Variants in FAM53A observed in about 807,000 individuals in gnomAD.
The protein encoded by FAM53A is family with sequence similarity 53 member A.
Under a neutral mutation model 26.6 loss-of-function variants are expected in FAM53A, and 28 were observed. That is an observed-to-expected ratio of 1.05 (90% confidence interval 0.78 to 1.45). The LOEUF is 1.45. Ranked by LOEUF, FAM53A falls within the 40% of genes most tolerant of loss-of-function variation. FAM53A has a pLI of 0.00. For synonymous variants in FAM53A, 290 were observed against 253.1 expected (o/e 1.15, Z -1.38); for missense variants, 650 against 575.8 (o/e 1.13, Z -1.32).
At chr4:1,638,636 C>T (rs1262384826), downstream of FAM53A, among the ~76,000 whole-genome samples, 2 of 152,118 alleles carry the variant, frequency 1.3e-5, no homozygotes, top group Non-Finnish European at 2.9e-5. Flanking sequence ...GGGTTGCAGG[C>T]AGGACCAGAC....
rs143603737 is a variant in FAM53A, at chr4:1,659,090, C to T, written c.76-1622G>A. ...ATAAGTTAAAAGTTGGGTTTGTGAC[C>T]CCGAAAAAAGACAGGCCGCCTACAC... is the stretch of plus-strand genomic sequence containing the variant. On this transcript the variant is annotated intron_variant, in intron 2 of 4. Transcript: ENST00000308132. The surrounding 1 kb of genome is among the most constrained non-coding windows in gnomAD (Gnocchi z 5.2). Among the ~76,000 whole-genome samples, 118 of 152,336 alleles carry T rather than the reference C, an allele frequency of 7.7e-4. No homozygotes were observed. Among genetic ancestry groups the T allele is most frequent in the African/African-American group, 2.7e-3 (111 of 41,562 alleles).
chr4:1,609,171 G>A, the FAM53A span, among the ~76,000 whole-genome samples: 1 of 152,048 alleles, frequency 6.6e-6, no homozygotes, highest in African/African-American at 2.4e-5. Context: ...CTCCCCTCAG[G>A]ATGTGGCTCT....
the FAM53A span, among the ~76,000 whole-genome samples, chr4:1,598,484 G>T: frequency 1.3e-5 from 2 of 152,356 alleles, no homozygotes; most frequent in East Asian, 3.9e-4. Context: ...AAAGGAAGTG[G>T]GTAAGACAGC....
At chr4:1,673,047 G>A (rs1714792778) in intron 1 of FAM53A, among the ~76,000 whole-genome samples, 1 of 152,164 alleles carries the variant, frequency 6.6e-6, no homozygotes, top group Admixed American at 6.5e-5. Context: ...TGGGATTACA[G>A]GTATGTATCA....
chr4:1,609,288 C>G, the FAM53A span, among the ~76,000 whole-genome samples: 2 of 152,114 alleles, frequency 1.3e-5, no homozygotes, highest in Non-Finnish European at 2.9e-5. Context: ...GCCCCTCGGG[C>G]CTCCTTCCAG....
the FAM53A span, among the ~76,000 whole-genome samples, chr4:1,575,442 G>A: frequency 7.9e-5 from 12 of 152,256 alleles, no homozygotes; most frequent in African/African-American, 2.6e-4. Context: ...AGATGGCTGC[G>A]GTCTGGCAGG....
At chr4:1,597,053 C>G in the FAM53A span, among the ~76,000 whole-genome samples, 1 of 152,170 alleles carries the variant, frequency 6.6e-6, no homozygotes, top group African/African-American at 2.4e-5. Flanking sequence ...AGGGGACAGG[C>G]AGCTCCTCTG....
chr4:1,640,340 G>A lies in FAM53A; in HGVS notation c.*953C>T, dbSNP rs1711558709. On this transcript the variant is annotated 3_prime_UTR_variant, in exon 5 of 5. Coordinates refer to ENST00000308132, the MANE Select transcript of FAM53A (RefSeq NM_001174070.3). ...AGCCCCAAGCACCGTGACCCGTCGG[G>A]AGGGGGGGACACACGGGGCCAGTGG... The A allele has an allele frequency of 4.5e-6, 1 of 222,314 alleles. No individual in the cohort carries two copies. The highest frequency in any genetic ancestry group is 8.7e-6 in the Non-Finnish European group (1 of 114,576). The allele number at this position is 222,314 out of a possible 1,614,324, so 13.8% of individuals were successfully genotyped here.
intron 3 of FAM53A, 97 bp from the exon 4 acceptor site, chr4:1,655,820 G>A: frequency 2.2e-6 from 3 of 1,375,130 alleles, no homozygotes; most frequent in East Asian, 5.6e-5. Context: ...GCTGTCAAGG[G>A]CACAACCCCA....
At chr4:1,685,200 G>A (rs1377148786), upstream of FAM53A, among the ~76,000 whole-genome samples, 5 of 152,166 alleles carry the variant, frequency 3.3e-5, no homozygotes, top group Non-Finnish European at 7.4e-5. Flanking sequence ...GAGGTAGGGC[G>A]GGATTTATTT....
intron 2 of FAM53A, among the ~76,000 whole-genome samples, chr4:1,667,621 T>G (rs749017258): frequency 1.3e-5 from 2 of 152,066 alleles, no homozygotes; most frequent in Non-Finnish European, 2.9e-5. Context: ...AGACCCTCAC[T>G]GGAACCCCCT....
chr4:1,637,379 G>T (rs1428193643), downstream of FAM53A, among the ~76,000 whole-genome samples: 1 of 152,178 alleles, frequency 6.6e-6, no homozygotes, highest in Non-Finnish European at 1.5e-5. Context: ...AGAGGCTCTG[G>T]GCAGGGCTGG....
At chr4:1,650,344 C>T (rs1292798799) in intron 4 of FAM53A, among the ~76,000 whole-genome samples, 5 of 138,966 alleles carry the variant, frequency 3.6e-5, no homozygotes, top group African/African-American at 1.4e-4. Flanking sequence ...TGAGGTGGCA[C>T]AGGCGTGGTG....
At chr4:1,646,002 T>TG (rs1304460451) in intron 4 of FAM53A, among the ~76,000 whole-genome samples, 2 of 151,820 alleles carry the variant, frequency 1.3e-5, no homozygotes, top group Non-Finnish European at 2.9e-5. Context: ...CTCCGCCAGG[T>TG]GAGGACACAG....
upstream of FAM53A, among the ~76,000 whole-genome samples, chr4:1,684,833 C>CG (rs1225819221): frequency 2.0e-5 from 3 of 152,244 alleles, no homozygotes; most frequent in African/African-American, 7.2e-5. Context: ...ATTAGGCCCT[C>CG]GCTCATGGTC....
chr4:1,624,454 G>A (rs1330660009), intron 1 of FAM53A, among the ~76,000 whole-genome samples: 8 of 152,272 alleles, frequency 5.3e-5, no homozygotes, highest in South Asian at 2.1e-4. Context: ...GGAGGCTGAC[G>A]GGTCATCCAG....
At chr4:1,587,942 C>T in the FAM53A span, among the ~76,000 whole-genome samples, 1 of 152,062 alleles carries the variant, frequency 6.6e-6, no homozygotes, top group African/African-American at 2.4e-5. Flanking sequence ...TCCCTTTGCT[C>T]TTTTTCGAAG....
Position 1,624,378 on chromosome 4 carries a change from G to A in FAM53A, c.432-6267C>T, listed in dbSNP as rs749290733. On this transcript the variant is annotated intron_variant, in intron 1 of 1. Coordinates refer to the FAM53A transcript ENST00000489029. ...TTCATAGTGGAGAAACTGAGGCTCT[G>A]AGGGGGACTGGTGCTTCAAGAGGCA... is the stretch of plus-strand genomic sequence containing the variant. 1.3e-3 allele frequency among the ~76,000 whole-genome samples: 199 copies of A among 152,188 alleles called. 8 individuals carry two copies. Among genetic ancestry groups the A allele is most frequent in the Non-Finnish European group, 4.9e-4 (33 of 68,020 alleles).
At chr4:1,643,379 T>G (rs1711928440) in intron 4 of FAM53A, among the ~76,000 whole-genome samples, 1 of 151,608 alleles carries the variant, frequency 6.6e-6, no homozygotes, top group Non-Finnish European at 1.5e-5. Context: ...GGCAGGAGAA[T>G]GGCGTGAACC....
Sources: gnomAD v4.1 joint callset for allele counts (sites outside exome capture counted in the v4.1 genomes callset) on GRCh38, gnomAD v4.1.1 for gene constraint, Gnocchi (gnomAD v3.1) non-coding constraint, MANE v1.5 for transcripts, NCBI Gene and HGNC (gene_info 2026-07-23, HGNC 2026-07-21) for gene names.